Variants in KIF13B observed in about 807,000 individuals in gnomAD.
KIF13B encodes kinesin family member 13B.
A neutral mutation model predicts 222.0 loss-of-function variants in KIF13B; 127 were observed. The observed-to-expected ratio is 0.57, with a 90% confidence interval of 0.50 to 0.66. The LOEUF (loss-of-function observed/expected upper bound fraction) is 0.66. KIF13B is among the 30% of genes least tolerant of loss of function. The pLI is 0.00. For synonymous variants in KIF13B, 976 were observed against 919.0 expected (o/e 1.06, Z -1.12); for missense variants, 2,173 against 2,379.0 (o/e 0.91, Z 1.80).
intron 36 of KIF13B, among the ~76,000 whole-genome samples, chr8:29,095,107 T>A (rs951272763): frequency 6.6e-6 from 1 of 152,176 alleles, no homozygotes. Flanking sequence ...GTCTAAACAT[T>A]TCTCACGATT....
chr8:29,116,689 C>G (rs1809612218), intron 31 of KIF13B, 142 bp downstream of exon 31: 5 of 661,610 alleles, frequency 7.6e-6, no homozygotes, highest in Non-Finnish European at 1.3e-5. Flanking sequence ...AGCATGGGTA[C>G]AGGACAGCAG....
chr8:29,216,317 C>A (rs900871600), intron 2 of KIF13B, among the ~76,000 whole-genome samples: 1 of 152,130 alleles, frequency 6.6e-6, no homozygotes, highest in South Asian at 2.1e-4. Context: ...ACGTACTAGG[C>A]CGGGCGCAGT....
intron 3 of KIF13B, among the ~76,000 whole-genome samples, chr8:29,193,258 G>A (rs1813269679): frequency 6.6e-6 from 1 of 152,164 alleles, no homozygotes; most frequent in Non-Finnish European, 1.5e-5. Context: ...CACCCTCCAT[G>A]TTTTTCCAAA....
chr8:29,080,062 T>C (rs994632969), intron 37 of KIF13B, among the ~76,000 whole-genome samples: 5 of 152,030 alleles, frequency 3.3e-5, no homozygotes, highest in East Asian at 1.9e-4. Flanking sequence ...ATCAGACACA[T>C]TGTGCAGTGG....
intron 10 of KIF13B, 117 bp downstream of exon 10, chr8:29,175,951 T>C (rs1243275004): frequency 1.0e-5 from 7 of 679,174 alleles, no homozygotes; most frequent in Non-Finnish European, 1.6e-5. Flanking sequence ...CTAATAATTA[T>C]ACATTTGCAC....
intron 26 of KIF13B, 76 bp downstream of exon 26, chr8:29,126,406 T>G: frequency 1.0e-6 from 1 of 954,782 alleles, no homozygotes; most frequent in Non-Finnish European, 1.6e-6. Context: ...AATAACAGTA[T>G]AGCCAGATCC....
rs1296888117 is a variant in KIF13B, at chr8:29,154,393, AGGGG to A, written c.1535+1329_1535+1332del. Among the ~76,000 whole-genome samples the A allele has an allele frequency of 6.6e-5, 10 of 151,754 alleles. 1 individual carries two copies. The South Asian group carries it at 2.1e-3, about 32-fold the overall frequency. ...GGAAGTGAGGCACAGAAGAGGGCAG[AGGGG>A]AAGAGGGGAGGGGAGGCAGGGAGCC... On this transcript the variant is annotated intron_variant, in intron 14 of 39. Coordinates refer to ENST00000524189, the MANE Select transcript of KIF13B (RefSeq NM_015254.4).
intron 26 of KIF13B, among the ~76,000 whole-genome samples, chr8:29,125,948 G>C (rs1372968445): frequency 6.6e-6 from 1 of 151,802 alleles, no homozygotes; most frequent in African/African-American, 2.4e-5. Context: ...CTCTAGTAAA[G>C]ATACAAAAAA....
chr8:29,255,763 CCAT>C (rs1426087821), intron 1 of KIF13B, among the ~76,000 whole-genome samples: 8 of 152,150 alleles, frequency 5.3e-5, no homozygotes, highest in African/African-American at 1.9e-4. Flanking sequence ...TGAACACTGA[CCAT>C]CATAATGCCA....
At chr8:29,130,501 G>A in intron 24 of KIF13B, 32 bp downstream of exon 24, 1 of 1,610,636 alleles carries the variant, frequency 6.2e-7, no homozygotes, top group African/African-American at 1.3e-5. Context: ...TGGCACCAAA[G>A]AATCTAATGT....
chr8:29,070,659 G>A lies in KIF13B; in HGVS notation c.5326C>T (p.Arg1776Trp), dbSNP rs757466920. Residue 1776 changes from arginine to tryptophan, a missense_variant, in exon 40 of 40, where the codon CGG becomes TGG. Coordinates refer to ENST00000524189, the MANE Select transcript of KIF13B (RefSeq NM_015254.4). The surrounding 1 kb of genome is among the most constrained non-coding windows in gnomAD (Gnocchi z 4.1). ...CCCAGCCGGAGTCCTGTGCTGCGCCGCCGCACAGGGCCCGTGGCCCTGCGG... is the reference window on the plus strand; with the variant it reads ...CCCAGCCGGAGTCCTGTGCTGCGCCACCGCACAGGGCCCGTGGCCCTGCGG... ...RVRRATGPVR[R>W]RSTGLRLGAP... 6.4e-6 allele frequency: 10 copies of A among 1,561,322 alleles called. No individual in the cohort carries two copies. The highest frequency in any genetic ancestry group is 1.4e-5 in the African/African-American group (1 of 73,552).
chr8:29,140,938 G>A (rs762805039), intron 19 of KIF13B, among the ~76,000 whole-genome samples: 1 of 152,092 alleles, frequency 6.6e-6, no homozygotes, highest in Non-Finnish European at 1.5e-5. Flanking sequence ...AATATATGTT[G>A]ACCAGAAAAA....
chr8:29,224,109 C>T (rs1814900548), intron 2 of KIF13B, among the ~76,000 whole-genome samples: 1 of 145,944 alleles, frequency 6.9e-6, no homozygotes, highest in Admixed American at 6.8e-5. Flanking sequence ...CGCCATTCTC[C>T]GCCTCCCGAG....
At chr8:29,211,345 G>A (rs73560757) in intron 2 of KIF13B, among the ~76,000 whole-genome samples, 6,970 of 152,270 alleles carry the variant, frequency 0.046, 338 homozygotes, top group African/African-American at 0.12. Flanking sequence ...GTGTTCAGAC[G>A]ATGGACAACA....
intron 6 of KIF13B, among the ~76,000 whole-genome samples, chr8:29,185,308 G>A (rs1319750039): frequency 6.6e-6 from 1 of 152,198 alleles, no homozygotes; most frequent in East Asian, 1.9e-4. Context: ...CTAGGGGCAA[G>A]ATCAGTCATT....
At chr8:29,082,985 C>T (rs1330584621) in intron 37 of KIF13B, among the ~76,000 whole-genome samples, 2 of 152,220 alleles carry the variant, frequency 1.3e-5, no homozygotes, top group Middle Eastern at 3.4e-3. Context: ...AAAAATTAGC[C>T]AGCCATGGCG....
In KIF13B at chr8:29,181,991, C is replaced by G; in HGVS notation, c.513G>C (p.Leu171Phe). Residue 171 changes from leucine (L) to phenylalanine (F), a missense_variant, in exon 7 of 40, where the codon TTG (leucine) becomes TTC (phenylalanine). Around this residue, in one of 2 missense-constraint regions of KIF13B, gnomAD observed 1,480 missense variants for 1,722.8 expected, o/e 0.86. Transcript: ENST00000524189. ...CCAACACACTATGCTCTCTGACTTT[C>G]AACGTCTGACGGCTTCTGTTCATGA... The part of the protein sequence containing the change: ...LLDPKGSRQT[L>F]KVREHSVLGP... 4 of 1,612,864 alleles carry G rather than the reference C, an allele frequency of 2.5e-6. No homozygotes were observed. The highest frequency in any genetic ancestry group is 3.4e-6 in the Non-Finnish European group (4 of 1,179,422).
At chr8:29,106,191 T>C (rs1809059300) in intron 35 of KIF13B, among the ~76,000 whole-genome samples, 1 of 152,038 alleles carries the variant, frequency 6.6e-6, no homozygotes, top group Admixed American at 6.6e-5. Flanking sequence ...ACTGGCAGAG[T>C]ACAAACAAGC....
chr8:29,170,582 G>A (rs535541470), intron 10 of KIF13B, among the ~76,000 whole-genome samples: 3 of 152,342 alleles, frequency 2.0e-5, no homozygotes, highest in African/African-American at 7.2e-5. Context: ...CAGGTAAAGG[G>A]AGAGGGGAGA....
Sources: allele counts gnomAD v4.1 joint callset (sites outside exome capture counted in the v4.1 genomes callset), GRCh38; gene constraint gnomAD v4.1.1; regional missense constraint gnomAD v4.1.1; non-coding constraint Gnocchi (gnomAD v3.1); transcripts MANE v1.5; gene names NCBI Gene and HGNC (gene_info 2026-07-23, HGNC 2026-07-21).